ATCAY: variants seen among roughly 807,000 people sequenced by gnomAD.
ATCAY encodes the protein ATCAY kinesin light chain interacting caytaxin, also known as caytaxin.
A neutral mutation model predicts 47.7 loss-of-function variants in ATCAY; 22 were observed. The ratio of observed to expected loss-of-function variants is 0.46; its 90% CI spans 0.33 to 0.66. The LOEUF (loss-of-function observed/expected upper bound fraction) is 0.66, where lower values mean the gene tolerates loss of function less well. Ranked by LOEUF, ATCAY falls within the 30% of genes least tolerant of loss-of-function variation. The probability of loss-of-function intolerance (pLI) is 0.02; values close to 1 mark genes in which losing one functional copy is unlikely to be tolerated. For synonymous variants in ATCAY, 216 were observed against 207.6 expected (o/e 1.04, Z -0.35); for missense variants, 452 against 515.0 (o/e 0.88, Z 1.18).
intron 12 of ATCAY, among the ~76,000 whole-genome samples, chr19:3,923,877 T>C (rs2039042222): frequency 6.7e-6 from 1 of 148,242 alleles, no homozygotes; most frequent in Non-Finnish European, 1.5e-5. Context: ...GGTGGATGGA[T>C]GGGTGCATGG....
In ATCAY at chr19:3,907,771, G is replaced by T. The variant is rs1460837055; in HGVS notation, c.396G>T (p.Gly132=). ...TPVATAKNMP[G]DSADLFGDGT... ...TGGCCACCGCCAAGAACATGCCCGGGGACAGCGCGGATCTATTTGGGGACG... is the reference window on the plus strand; with the variant it reads ...TGGCCACCGCCAAGAACATGCCCGGTGACAGCGCGGATCTATTTGGGGACG... Residue 132 remains glycine (G), a synonymous_variant, in exon 5 of 13, where the codon GGG becomes GGT. Transcript: ENST00000450849. This position sits in a 1 kb window ranked among gnomAD's most constrained non-coding sequence, Gnocchi z 5.1. 5 of 1,613,916 alleles carry T rather than the reference G, an allele frequency of 3.1e-6. No homozygotes were observed. The highest frequency in any genetic ancestry group is 4.2e-6 in the Non-Finnish European group (5 of 1,179,896).
chr19:3,927,540 TG>T lies in ATCAY; in HGVS notation c.*2949del. The T allele has an allele frequency of 6.6e-6, 1 of 152,396 alleles. No individual in the cohort carries two copies. Among genetic ancestry groups the T allele is most frequent in the Non-Finnish European group, 1.5e-5 (1 of 68,108 alleles). 9.4% of individuals were successfully genotyped at this position (152,396 alleles called of 1,614,324 possible). The stretch of plus-strand genomic sequence containing the variant: ...GGCCCTACCTGACCCAGAAGGTGCC[TG>T]CCGGCTAAACATTCTGCCCCCACCA... On this transcript the variant is annotated 3_prime_UTR_variant, in exon 13 of 13. Transcript: ENST00000450849.
Position 3,921,887 on chromosome 19 carries a change from ACT to A in ATCAY, c.1106+1092_1106+1093del, listed in dbSNP as rs566185179. ...ATTCCAGCCTGGGCAACAGAGCAAG[ACT>A]CTGTTTAAAAAAAAAAAAACAAAAA... On this transcript the variant is annotated intron_variant, in intron 12 of 12. Coordinates refer to ENST00000450849, the MANE Select transcript of ATCAY (RefSeq NM_033064.5). Among the ~76,000 whole-genome samples the A allele has an allele frequency of 9.7e-4, 139 of 143,196 alleles. 2 individuals are homozygous for A. Among genetic ancestry groups the A allele is most frequent in the African/African-American group, 3.4e-3 (134 of 39,140 alleles). The allele number at this position is 143,196 out of a possible 152,430, so 93.9% of individuals were successfully genotyped here.
chr19:3,914,399 TACTC>T (rs1289833706), intron 9 of ATCAY, among the ~76,000 whole-genome samples: 2 of 151,914 alleles, frequency 1.3e-5, no homozygotes, highest in East Asian at 1.9e-4. Flanking sequence ...TCATGAGACT[TACTC>T]ACTGTCGCGA....
rs556145609 is a variant in ATCAY at position 3,907,139 on chromosome 19, A to G, written c.359-595A>G. ...ATGGAACAAGACTCTCTCAAAAAAA[A>G]AAAAGAAAGAAAAAAAAAAATTAAG... is the stretch of plus-strand genomic sequence containing the variant. On this transcript the variant is annotated intron_variant, in intron 4 of 12. Coordinates refer to ENST00000450849, the MANE Select transcript of ATCAY (RefSeq NM_033064.5). The surrounding 1 kb of genome is among the most constrained non-coding windows in gnomAD (Gnocchi z 5.1). Among the ~76,000 whole-genome samples, 315 of 147,962 alleles carry G rather than the reference A, an allele frequency of 2.1e-3. 2 individuals are homozygous for G. The highest frequency in any genetic ancestry group is 7.5e-3 in the African/African-American group (304 of 40,268).
intron 2 of ATCAY, among the ~76,000 whole-genome samples, chr19:3,888,076 C>CTACT (rs2038679194): frequency 6.7e-6 from 1 of 150,204 alleles, no homozygotes; most frequent in Non-Finnish European, 1.5e-5. Context: ...GATGTGCCAC[C>CTACT]GCACTCCAGC....
chr19:3,926,706 A>G lies in ATCAY; in HGVS notation c.*2114A>G, dbSNP rs2039069988. On this transcript the variant is annotated 3_prime_UTR_variant, in exon 13 of 13. Coordinates refer to ENST00000450849, the MANE Select transcript of ATCAY (RefSeq NM_033064.5). Reference sequence around the variant, plus strand: ...GCCAGCAGCTCCTGCCATGAGGAAGACGGGGTTTCTGAGCAGGCTTATGCC... The same window carrying G: ...GCCAGCAGCTCCTGCCATGAGGAAGGCGGGGTTTCTGAGCAGGCTTATGCC... 6.6e-6 allele frequency: 1 copy of G among 152,224 alleles called. No individual in the cohort carries two copies. The allele number at this position is 152,224 out of a possible 1,614,324, so 9.4% of individuals were successfully genotyped here.
chr19:3,893,894 C>G (rs964323212), intron 2 of ATCAY, among the ~76,000 whole-genome samples: 7 of 152,058 alleles, frequency 4.6e-5, no homozygotes, highest in African/African-American at 9.7e-5. Context: ...TCCTCCCCCA[C>G]TGCTCTCTCT....
chr19:3,886,940 C>T (rs898444897), intron 2 of ATCAY, among the ~76,000 whole-genome samples: 29 of 151,810 alleles, frequency 1.9e-4, no homozygotes, highest in Non-Finnish European at 1.6e-4. Flanking sequence ...TCTCGAACTC[C>T]GAAAGTGCTT....
intron 1 of ATCAY, among the ~76,000 whole-genome samples, chr19:3,883,051 C>A (rs574871833): frequency 1.4e-3 from 210 of 152,038 alleles, no homozygotes; most frequent in African/African-American, 4.5e-3. Flanking sequence ...GAATTCCAGG[C>A]ATGCACCACT....
At chr19:3,888,554 C>T (rs58752242) in intron 2 of ATCAY, among the ~76,000 whole-genome samples, 22 of 151,870 alleles carry the variant, frequency 1.4e-4, no homozygotes, top group Admixed American at 1.2e-3. Flanking sequence ...TGCTGGAACT[C>T]GGGAGGCGAA....
At chr19:3,887,256 G>A (rs1365823530) in intron 2 of ATCAY, among the ~76,000 whole-genome samples, 2 of 151,258 alleles carry the variant, frequency 1.3e-5, no homozygotes, top group African/African-American at 2.4e-5. Flanking sequence ...TCAAGAGTTC[G>A]AAACCAGCCT....
At chr19:3,909,171 A>G in intron 6 of ATCAY, among the ~76,000 whole-genome samples, 1 of 134,974 alleles carries the variant, frequency 7.4e-6, no homozygotes, top group African/African-American at 2.7e-5. Flanking sequence ...TGGGAGGCGG[A>G]GCTTGCAGTG....
At chr19:3,909,949 C>T (rs569494485) in intron 7 of ATCAY, among the ~76,000 whole-genome samples, 4 of 152,222 alleles carry the variant, frequency 2.6e-5, no homozygotes, top group South Asian at 2.1e-4. Flanking sequence ...ATTAGCTGGG[C>T]GTGGTGGCGC....
chr19:3,883,063 C>T (rs2038616081), intron 1 of ATCAY, among the ~76,000 whole-genome samples: 1 of 152,030 alleles, frequency 6.6e-6, no homozygotes, highest in South Asian at 2.1e-4. Flanking sequence ...TGCACCACTG[C>T]ACCCAGCCCC....
Position 3,913,812 on chromosome 19 carries a change from A to G in ATCAY, c.921A>G (p.Gln307=). The G allele has an allele frequency of 3.1e-6, 5 of 1,613,680 alleles. No individual in the cohort carries two copies. The highest frequency in any genetic ancestry group is 1.1e-5 in the South Asian group (1 of 91,062). ...QYVHSLEDLE[Q]LIPMEHVQIP... is the part of the protein sequence containing the mutation. ...TGCACAGCTTGGAAGACCTGGAGCAACTCATCCCTATGGAACACGTCCAGA... is the reference window on the plus strand; with the variant it reads ...TGCACAGCTTGGAAGACCTGGAGCAGCTCATCCCTATGGAACACGTCCAGA... The change falls in exon 9 of 13, where the codon CAA becomes CAG. Residue 307 remains glutamine, a synonymous_variant. Coordinates refer to ENST00000450849, the MANE Select transcript of ATCAY (RefSeq NM_033064.5).
intron 6 of ATCAY, 109 bp downstream of exon 6, chr19:3,908,479 C>A (rs2145248942): frequency 9.5e-7 from 1 of 1,057,798 alleles, no homozygotes; most frequent in Non-Finnish European, 1.4e-6. Context: ...GCCTGCCTGG[C>A]ACCAGGGAAG....
intron 1 of ATCAY, among the ~76,000 whole-genome samples, chr19:3,881,870 C>CCA (rs1555765188): frequency 7.4e-6 from 1 of 135,582 alleles, no homozygotes; most frequent in African/African-American, 3.3e-5. Context: ...GCCACCGCCC[C>CCA]CCCCCCGACC....
intron 2 of ATCAY, among the ~76,000 whole-genome samples, chr19:3,887,251 A>G (rs1292117150): frequency 6.6e-6 from 1 of 151,702 alleles, no homozygotes; most frequent in Non-Finnish European, 1.5e-5. Flanking sequence ...AGAGCTCAAG[A>G]GTTCGAAACC....
Sources: gnomAD v4.1 joint callset for allele counts (sites outside exome capture counted in the v4.1 genomes callset) on GRCh38, gnomAD v4.1.1 for gene constraint, Gnocchi (gnomAD v3.1) non-coding constraint, MANE v1.5 for transcripts, NCBI Gene and HGNC (gene_info 2026-07-23, HGNC 2026-07-21) for gene names.